CUL1: variants seen among roughly 807,000 people sequenced by gnomAD.
The protein encoded by CUL1 is cullin-1.
A neutral mutation model predicts 118.0 loss-of-function variants in CUL1; 24 were observed. That is an observed-to-expected ratio of 0.20 (90% confidence interval 0.15 to 0.29). The LOEUF (loss-of-function observed/expected upper bound fraction) is 0.29. Ranked by LOEUF, CUL1 falls within the 10% of genes least tolerant of loss-of-function variation. The pLI is 1.00. For synonymous variants in CUL1, 332 were observed against 340.4 expected, an observed-to-expected ratio of 0.98 and a Z score of 0.27; for missense variants, 361 against 933.8, an observed-to-expected ratio of 0.39 and a Z score of 7.99.
intron 2 of CUL1, among the ~76,000 whole-genome samples, chr7:148,740,117 A>G (rs1254629140): frequency 6.6e-6 from 1 of 151,644 alleles, no homozygotes; most frequent in East Asian, 1.9e-4. Flanking sequence ...CAATGGCGCA[A>G]CCTTGGCTTA....
At chr7:148,780,883 G>A (rs1197527461) in intron 9 of CUL1, among the ~76,000 whole-genome samples, 3 of 152,006 alleles carry the variant, frequency 2.0e-5, no homozygotes, top group Non-Finnish European at 2.9e-5. Context: ...TCTCCTCTCT[G>A]TTTTATAACC....
intron 2 of CUL1, among the ~76,000 whole-genome samples, chr7:148,747,198 G>C (rs1039249820): frequency 2.0e-5 from 3 of 152,086 alleles, no homozygotes; most frequent in Admixed American, 1.3e-4. Context: ...GCTATCATTG[G>C]GTTTGTTTTT....
chr7:148,716,429 A>G (rs1356694791), intron 1 of CUL1, among the ~76,000 whole-genome samples: 1 of 152,222 alleles, frequency 6.6e-6, no homozygotes, highest in Admixed American at 6.5e-5. Context: ...ATTCATAATC[A>G]AAGGAACTGT....
rs551459321 is a variant in CUL1, at chr7:148,712,600, C to T, written c.-162+13571C>T. ...TAGGAATTGCATAGATATTAGAAAC[C>T]CTTTATAGTAGTGTTAACATGAATA... On this transcript the variant is annotated intron_variant, in intron 1 of 21. Coordinates refer to ENST00000325222, the MANE Select transcript of CUL1 (RefSeq NM_003592.3). Among the ~76,000 whole-genome samples, 3 of 152,158 alleles carry T rather than the reference C, an allele frequency of 2.0e-5. No homozygotes were observed. In the East Asian group the frequency reaches 5.8e-4, roughly 29 times the overall value.
chr7:148,758,608 T>A (rs1486527178), intron 4 of CUL1, among the ~76,000 whole-genome samples: 3 of 152,118 alleles, frequency 2.0e-5, no homozygotes, highest in South Asian at 4.1e-4. Context: ...CAGAGTGAGA[T>A]CATGTCTCAA....
chr7:148,743,837 G>A (rs948977834), intron 2 of CUL1, among the ~76,000 whole-genome samples: 54 of 152,262 alleles, frequency 3.5e-4, no homozygotes, highest in Middle Eastern at 3.4e-3. Flanking sequence ...CAGGAGAATC[G>A]CTTGAACCTG....
chr7:148,782,556 T>A (rs3800949), intron 9 of CUL1, among the ~76,000 whole-genome samples: 97,710 of 152,126 alleles, frequency 0.64, 31,590 homozygotes, highest in African/African-American at 0.7. Flanking sequence ...TCTTATCAAA[T>A]GTTTATGTCA....
intron 2 of CUL1, among the ~76,000 whole-genome samples, chr7:148,751,973 G>C (rs1183274307): frequency 6.6e-6 from 1 of 152,082 alleles, no homozygotes; most frequent in Non-Finnish European, 1.5e-5. Context: ...AATTAGCCAG[G>C]CGTGGTGGCG....
intron 9 of CUL1, among the ~76,000 whole-genome samples, chr7:148,771,561 C>G (rs1311629289): frequency 6.6e-6 from 1 of 152,184 alleles, no homozygotes; most frequent in Non-Finnish European, 1.5e-5. Context: ...CAGGATTCCA[C>G]TCTGTTTGGA....
At chr7:148,792,868 C>T (rs1343365891) in intron 17 of CUL1, 50 bp downstream of exon 17, 2 of 1,323,898 alleles carry the variant, frequency 1.5e-6, no homozygotes, top group Non-Finnish European at 2.2e-6. Context: ...TTTCCTTGTT[C>T]TCGTGGATAT....
chr7:148,783,821 TA>T lies in CUL1; in HGVS notation c.1128del (p.Lys376AsnfsTer6). 1 of 1,614,226 alleles carries T rather than the reference TA, an allele frequency of 6.2e-7. No individual in the cohort carries two copies. Among genetic ancestry groups the T allele is most frequent in the Non-Finnish European group, 8.5e-7 (1 of 1,180,032 alleles). On this transcript the variant is annotated frameshift_variant, in exon 10 of 22. Coordinates refer to ENST00000325222, the MANE Select transcript of CUL1 (RefSeq NM_003592.3). LOFTEE classifies it high-confidence loss of function. Reference sequence around the variant, plus strand: ...ATGTACAGACAGTGCTTGATGTTCATAAAAAATACAATGCCCTGGTAATGTC... The same window carrying T: ...ATGTACAGACAGTGCTTGATGTTCATAAAAATACAATGCCCTGGTAATGTC... ...MYVQTVLDVHKKYNALVMSAF... is the reference protein window; with the variant it reads ...MYVQTVLDVHXKYNALVMSAF...
chr7:148,740,043 G>C (rs1799091040), intron 2 of CUL1, among the ~76,000 whole-genome samples: 1 of 147,002 alleles, frequency 6.8e-6, no homozygotes, highest in Non-Finnish European at 1.5e-5. Context: ...GAATGGTATT[G>C]AATTTTTTTA....
At position 148,728,264 on chromosome 7, in the gene CUL1, C is replaced by CT. The variant is rs879883242; in HGVS notation, c.-161-1686dup. On this transcript the variant is annotated intron_variant, in intron 1 of 21. Coordinates refer to ENST00000325222, the MANE Select transcript of CUL1 (RefSeq NM_003592.3). ...AAGGCATTTGGGGGCCAGAGTAGAA[C>CT]TTTTTTTTTTTTCAGTTGCTGATAG... 7.7e-3 allele frequency among the ~76,000 whole-genome samples: 1,132 copies of CT among 146,538 alleles called. 15 individuals are homozygous for CT. The highest frequency in any genetic ancestry group is 0.023 in the African/African-American group (933 of 40,126).
At position 148,775,855 on chromosome 7, in the gene CUL1, G is replaced by GAAA. The variant is rs34474266; in HGVS notation, c.1084-7915_1084-7913dup. Among the ~76,000 whole-genome samples the GAAA allele has an allele frequency of 2.6e-3, 340 of 132,368 alleles. 6 individuals carry two copies. The South Asian group carries it at 0.026, about 10-fold the overall frequency. The allele number at this position is 132,368 out of a possible 152,430, so 86.8% of individuals were successfully genotyped here. A position where few individuals can be genotyped will look rare whatever the true frequency, so the allele number is the denominator to read the frequency against. On this transcript the variant is annotated intron_variant, in intron 9 of 21. Coordinates refer to ENST00000325222, the MANE Select transcript of CUL1 (RefSeq NM_003592.3). Reference sequence around the variant, plus strand: ...ACAGTGAATCATTAAAATACCACCAGAAAAAAAAAAAAAAAGGTTTGATTT... The same window carrying GAAA: ...ACAGTGAATCATTAAAATACCACCAGAAAAAAAAAAAAAAAAAAGGTTTGATTT...
At chr7:148,731,305 T>G (rs1013538740) in intron 2 of CUL1, among the ~76,000 whole-genome samples, 6 of 152,206 alleles carry the variant, frequency 3.9e-5, no homozygotes, top group Non-Finnish European at 8.8e-5. Flanking sequence ...CAACGGAGCT[T>G]CAGGTTTAAA....
chr7:148,700,155 AG>A (rs1797674554), intron 1 of CUL1, among the ~76,000 whole-genome samples: 1 of 152,188 alleles, frequency 6.6e-6, no homozygotes, highest in Non-Finnish European at 1.5e-5. Flanking sequence ...ACTGAATTGC[AG>A]TCTACTTAAA....
intron 7 of CUL1, among the ~76,000 whole-genome samples, 161 bp from the exon 8 acceptor site, chr7:148,766,400 A>G (rs1362837040): frequency 6.6e-6 from 1 of 152,190 alleles, no homozygotes; most frequent in Non-Finnish European, 1.5e-5. Context: ...TGGCTGAGCC[A>G]TCATGCCCAG....
At chr7:148,745,368 G>A (rs1799279851) in intron 2 of CUL1, among the ~76,000 whole-genome samples, 3 of 152,164 alleles carry the variant, frequency 2.0e-5, no homozygotes, top group African/African-American at 7.2e-5. Context: ...TGTCTTGAGA[G>A]TGGATCTCAT....
chr7:148,734,278 A>C (rs985932868), intron 2 of CUL1, among the ~76,000 whole-genome samples: 29 of 151,942 alleles, frequency 1.9e-4, no homozygotes, highest in African/African-American at 5.6e-4. Context: ...ACAGAGTCTC[A>C]CTCTGTCAAC....
Sources: gnomAD v4.1 joint callset for allele counts (sites outside exome capture counted in the v4.1 genomes callset) on GRCh38, gnomAD v4.1.1 for gene constraint, MANE v1.5 for transcripts, NCBI Gene and HGNC (gene_info 2026-07-23, HGNC 2026-07-21) for gene names.